TTC39C: variants seen among roughly 807,000 people sequenced by gnomAD.
TTC39C encodes tetratricopeptide repeat protein 39C.
Under a neutral mutation model 76.3 loss-of-function variants are expected in TTC39C, and 33 were observed. The observed-to-expected ratio is 0.43, with a 90% CI of 0.33 to 0.58. The LOEUF is 0.58. Among genes scored for constraint, TTC39C ranks in the 20% least tolerant of loss-of-function variants. The probability of loss-of-function intolerance (pLI) is 0.04; values close to 1 mark genes in which losing one functional copy is unlikely to be tolerated. For synonymous variants in TTC39C, 254 were observed against 260.6 expected (o/e 0.97, Z 0.24); for missense variants, 595 against 701.4 (o/e 0.85, Z 1.71).
At chr18:24,111,148 G>A (rs1327145295) in intron 6 of TTC39C, among the ~76,000 whole-genome samples, 6 of 151,890 alleles carry the variant, frequency 4.0e-5, no homozygotes, top group Non-Finnish European at 8.8e-5. Context: ...GTGCCACCAC[G>A]CCCAGCTAAT....
At chr18:24,048,025 A>G (rs1489544217) in intron 1 of TTC39C, among the ~76,000 whole-genome samples, 1 of 152,222 alleles carries the variant, frequency 6.6e-6, no homozygotes, top group Non-Finnish European at 1.5e-5. Flanking sequence ...TATACATGGC[A>G]TGTTTATTTG....
chr18:24,078,695 T>A (rs1356651753), intron 4 of TTC39C, among the ~76,000 whole-genome samples: 1 of 152,144 alleles, frequency 6.6e-6, no homozygotes, highest in Non-Finnish European at 1.5e-5. Flanking sequence ...GAAATCTCAT[T>A]AGAGACTTAA....
At chr18:24,018,569 G>A (rs986384039) in intron 1 of TTC39C, among the ~76,000 whole-genome samples, 6 of 152,134 alleles carry the variant, frequency 3.9e-5, no homozygotes, top group African/African-American at 1.2e-4. Flanking sequence ...GGAGACATAC[G>A]CATGGTCCCC....
At chr18:24,048,984 C>T (rs1357316358) in intron 1 of TTC39C, among the ~76,000 whole-genome samples, 1 of 152,140 alleles carries the variant, frequency 6.6e-6, no homozygotes, top group Non-Finnish European at 1.5e-5. Flanking sequence ...GTTCTTAAGA[C>T]GCGTTGGCCA....
At chr18:24,005,398 T>C (rs1440464650) in intron 1 of TTC39C, among the ~76,000 whole-genome samples, 2 of 151,958 alleles carry the variant, frequency 1.3e-5, no homozygotes, top group African/African-American at 4.8e-5. Flanking sequence ...TAATAAAATA[T>C]TTTTTTTGCC....
intron 1 of TTC39C, among the ~76,000 whole-genome samples, chr18:24,057,862 T>C (rs565833203): frequency 7.4e-4 from 113 of 152,338 alleles, no homozygotes; most frequent in African/African-American, 2.7e-3. Flanking sequence ...CACATGCATG[T>C]GTGTGTTCAT....
chr18:24,016,586 G>A (rs1472593344), intron 1 of TTC39C: 1 of 397,796 alleles, frequency 2.5e-6, no homozygotes, highest in Non-Finnish European at 4.4e-6. Context: ...CCCTTCTTTA[G>A]TAGGCGAAAA....
intron 1 of TTC39C, among the ~76,000 whole-genome samples, chr18:24,046,236 C>T (rs990678075): frequency 2.6e-5 from 4 of 151,752 alleles, no homozygotes; most frequent in African/African-American, 7.3e-5. Flanking sequence ...CCGTGCCCAG[C>T]CTGTGAATAT....
chr18:24,114,191 C>A, intron 6 of TTC39C: 1 of 287,856 alleles, frequency 3.5e-6, no homozygotes, highest in Non-Finnish European at 6.6e-6. Context: ...TCCTACTGTA[C>A]AAGTGTGAGA....
chr18:24,041,061 G>A (rs2083786589), intron 1 of TTC39C, among the ~76,000 whole-genome samples: 2 of 152,200 alleles, frequency 1.3e-5, no homozygotes, highest in South Asian at 4.1e-4. Context: ...TAGGGGATCT[G>A]AGGGTCTGTT....
intron 1 of TTC39C, among the ~76,000 whole-genome samples, chr18:24,043,723 C>T (rs1018416394): frequency 1.3e-5 from 2 of 152,342 alleles, no homozygotes; most frequent in South Asian, 4.1e-4. Flanking sequence ...TCTCTTACTG[C>T]ACCATTAACT....
At chr18:24,000,835 G>A (rs2083305658) in intron 1 of TTC39C, among the ~76,000 whole-genome samples, 1 of 152,112 alleles carries the variant, frequency 6.6e-6, no homozygotes, top group South Asian at 2.1e-4. Flanking sequence ...AAATTGTGTG[G>A]GTCCTGTCAC....
chr18:24,041,703 TTTTTC>T (rs1351832428), intron 1 of TTC39C, among the ~76,000 whole-genome samples: 1 of 152,238 alleles, frequency 6.6e-6, no homozygotes, highest in Non-Finnish European at 1.5e-5. Flanking sequence ...CATTATGTTA[TTTTTC>T]TTTTAACAAT....
intron 6 of TTC39C, among the ~76,000 whole-genome samples, chr18:24,097,380 A>G (rs942791887): frequency 2.0e-5 from 3 of 152,282 alleles, no homozygotes; most frequent in East Asian, 1.9e-4. Flanking sequence ...TCCACATTTC[A>G]TCTCCTATTA....
rs1380562107 is a variant in TTC39C at position 24,023,980 on chromosome 18, A to C, written c.167+8942A>C. ...TATATATATATATATATATATATAT[A>C]CATATATATATATATATATATATAT... On this transcript the variant is annotated intron_variant, in intron 1 of 13. Coordinates refer to ENST00000317571, the MANE Select transcript of TTC39C (RefSeq NM_001135993.2). 5.2e-3 allele frequency among the ~76,000 whole-genome samples: 60 copies of C among 11,554 alleles called. 1 individual carries two copies. Among genetic ancestry groups the C allele is most frequent in the East Asian group, 0.019 (4 of 216 alleles). 7.6% of individuals were successfully genotyped at this position (11,554 alleles called of 152,430 possible).
rs570975328 is a variant in TTC39C at position 24,042,222 on chromosome 18, A to G, written c.168-21918A>G. Among the ~76,000 whole-genome samples the G allele has an allele frequency of 6.6e-5, 10 of 152,192 alleles. No individual in the cohort carries two copies. The East Asian group carries it at 1.9e-3, about 29-fold the overall frequency. On this transcript the variant is annotated intron_variant, in intron 1 of 13. Coordinates refer to ENST00000317571, the MANE Select transcript of TTC39C (RefSeq NM_001135993.2). ...TTTAGGTGGGTTCTATTTTCTTAGGACCTTAACAGTGCTATAGTGTAAGCA... is the reference window on the plus strand; with the variant it reads ...TTTAGGTGGGTTCTATTTTCTTAGGGCCTTAACAGTGCTATAGTGTAAGCA...
rs568700566 is a variant in TTC39C, at chr18:24,132,623, T to A, written c.*49T>A. ...CCCTCCCCACCCAGGGTCCGCACTT[T>A]AAAATAAAAGCAGAGGACAAAGCTC... On this transcript the variant is annotated 3_prime_UTR_variant, in exon 14 of 14. Coordinates refer to ENST00000317571, the MANE Select transcript of TTC39C (RefSeq NM_001135993.2). The A allele has an allele frequency of 3.0e-5, 46 of 1,520,676 alleles. No individual in the cohort carries two copies. In the African/African-American group the frequency reaches 5.5e-4, roughly 18 times the overall value. 94.2% of individuals were successfully genotyped at this position (1,520,676 alleles called of 1,614,324 possible).
intron 1 of TTC39C, among the ~76,000 whole-genome samples, chr18:24,060,586 G>C (rs2084086707): frequency 6.6e-6 from 1 of 152,184 alleles, no homozygotes; most frequent in South Asian, 2.1e-4. Context: ...AGGATTACAG[G>C]CGTGAGCCAC....
At chr18:24,068,545 CATT>C (rs1248211452) in intron 3 of TTC39C, among the ~76,000 whole-genome samples, 2 of 152,128 alleles carry the variant, frequency 1.3e-5, no homozygotes, top group Non-Finnish European at 2.9e-5. Context: ...ATTTTAGAAA[CATT>C]ATGATAAAGA....
Sources: allele counts gnomAD v4.1 joint callset (sites outside exome capture counted in the v4.1 genomes callset), GRCh38; gene constraint gnomAD v4.1.1; transcripts MANE v1.5; gene names NCBI Gene and HGNC (gene_info 2026-07-23, HGNC 2026-07-21).